ANKS1B: variants seen among roughly 807,000 people sequenced by gnomAD.
The protein encoded by ANKS1B is ankyrin repeat and sterile alpha motif domain-containing protein 1B.
ANKS1B carries 36 observed loss-of-function variants against 148.3 expected under a neutral mutation model. The observed-to-expected ratio is 0.24, with a 90% CI of 0.19 to 0.32. The LOEUF is 0.32. Among genes scored for constraint, ANKS1B ranks in the 10% least tolerant of loss-of-function variants. The probability of loss-of-function intolerance (pLI) is 1.00; values close to 1 mark genes in which losing one functional copy is unlikely to be tolerated. For synonymous variants in ANKS1B, 542 were observed against 560.8 expected (o/e 0.97, Z 0.47); for missense variants, 1,157 against 1,542.6 (o/e 0.75, Z 4.19).
At chr12:99,447,301 A>G in intron 10 of ANKS1B, among the ~76,000 whole-genome samples, 1 of 152,058 alleles carries the variant, frequency 6.6e-6, no homozygotes, top group Middle Eastern at 3.2e-3. Flanking sequence ...CTCACACTAT[A>G]TACAAAAACT....
At chr12:99,324,015 A>G (rs1342785166) in intron 12 of ANKS1B, among the ~76,000 whole-genome samples, 1 of 152,172 alleles carries the variant, frequency 6.6e-6, no homozygotes, top group Non-Finnish European at 1.5e-5. Context: ...ACATAATTGT[A>G]TTAGTATTTG....
At chr12:99,677,662 T>A (rs2098586207) in intron 8 of ANKS1B, among the ~76,000 whole-genome samples, 1 of 152,198 alleles carries the variant, frequency 6.6e-6, no homozygotes. Context: ...ATTCTCCATT[T>A]TTTAAGAAGG....
chr12:98,973,044 A>C (rs1282819114), intron 17 of ANKS1B, among the ~76,000 whole-genome samples: 1 of 152,202 alleles, frequency 6.6e-6, no homozygotes, highest in Non-Finnish European at 1.5e-5. Context: ...GGTAACATGG[A>C]CATCTGTATA....
chr12:99,029,701 G>T (rs1167877971), intron 17 of ANKS1B, among the ~76,000 whole-genome samples: 3 of 152,236 alleles, frequency 2.0e-5, no homozygotes, highest in African/African-American at 7.2e-5. Context: ...TGTACTTAAT[G>T]TTTAACAGAA....
chr12:99,466,145 C>T (rs1187468950), intron 10 of ANKS1B, among the ~76,000 whole-genome samples: 5 of 152,260 alleles, frequency 3.3e-5, no homozygotes, highest in Admixed American at 2.6e-4. Context: ...CACTCAAAAC[C>T]ACTCAACTAC....
intron 20 of ANKS1B, among the ~76,000 whole-genome samples, chr12:98,806,121 C>G (rs2099049231): frequency 6.6e-6 from 1 of 152,248 alleles, no homozygotes; most frequent in African/African-American, 2.4e-5. Flanking sequence ...ATCCACCCGC[C>G]TTGGCCTCCC....
intron 17 of ANKS1B, among the ~76,000 whole-genome samples, chr12:98,884,792 C>A (rs560844761): frequency 3.1e-5 from 4 of 127,514 alleles, no homozygotes; most frequent in African/African-American, 9.5e-5. Context: ...GGCGACAGAG[C>A]GAGACTCCGT....
At chr12:99,573,724 G>C (rs982752891) in intron 9 of ANKS1B, among the ~76,000 whole-genome samples, 10 of 151,338 alleles carry the variant, frequency 6.6e-5, no homozygotes, top group African/African-American at 2.4e-4. Context: ...AAATAAAATA[G>C]AAAAAAAATC....
At chr12:99,417,542 G>A (rs921142620) in intron 11 of ANKS1B, among the ~76,000 whole-genome samples, 11 of 151,616 alleles carry the variant, frequency 7.3e-5, no homozygotes, top group South Asian at 4.2e-4. Flanking sequence ...GTTACTTTAC[G>A]TATCTATGCA....
intron 25 of ANKS1B, 58 bp downstream of exon 25, chr12:98,772,984 T>C: frequency 6.3e-7 from 1 of 1,593,176 alleles, no homozygotes; most frequent in East Asian, 2.3e-5. Flanking sequence ...GGGCTTTCAA[T>C]ACAGTCCAGG....
At chr12:99,401,085 GTA>G (rs2094392027) in intron 11 of ANKS1B, among the ~76,000 whole-genome samples, 1 of 145,796 alleles carries the variant, frequency 6.9e-6, no homozygotes, top group South Asian at 2.1e-4. Context: ...ACATTGAGAG[GTA>G]TAAATATTGT....
chr12:99,364,373 T>C lies in ANKS1B; in HGVS notation c.1756+35258A>G, dbSNP rs954193639. On this transcript the variant is annotated intron_variant, in intron 12 of 26. Coordinates refer to ENST00000683438, the MANE Select transcript of ANKS1B (RefSeq NM_001352186.2). The stretch of plus-strand genomic sequence containing the variant: ...TATTTCTGTTCAGATCCAGAAACCA[T>C]ACCTTCATGTTCCCTATTGTCATAT... 1.4e-4 allele frequency among the ~76,000 whole-genome samples: 22 copies of C among 152,304 alleles called. No individual in the cohort carries two copies. In the East Asian group the frequency reaches 3.7e-3, roughly 25 times the overall value.
At chr12:99,315,100 G>A (rs2083803967) in intron 12 of ANKS1B, among the ~76,000 whole-genome samples, 2 of 151,832 alleles carry the variant, frequency 1.3e-5, no homozygotes, top group African/African-American at 4.8e-5. Context: ...AAAATTAGCT[G>A]GGCGTGGTGG....
At chr12:99,649,562 C>G (rs906385244) in intron 9 of ANKS1B, 2 of 590,004 alleles carry the variant, frequency 3.4e-6, no homozygotes, top group Non-Finnish European at 6.0e-6. Flanking sequence ...TCTGCAGACT[C>G]AGGAGAGAAA....
intron 10 of ANKS1B, among the ~76,000 whole-genome samples, chr12:99,470,583 A>T (rs1290368164): frequency 1.3e-5 from 2 of 152,172 alleles, no homozygotes; most frequent in Non-Finnish European, 2.9e-5. Context: ...ATTTTTATAC[A>T]TGTGGTTATA....
chr12:99,722,701 T>A (rs2058206459), intron 8 of ANKS1B, among the ~76,000 whole-genome samples: 1 of 152,176 alleles, frequency 6.6e-6, no homozygotes, highest in South Asian at 2.1e-4. Context: ...GACTTTCAAG[T>A]CTTATGTAAG....
At chr12:99,890,583 GTGTGT>G (rs1380412183) in intron 1 of ANKS1B, among the ~76,000 whole-genome samples, 1 of 72,374 alleles carries the variant, frequency 1.4e-5, no homozygotes, top group Non-Finnish European at 3.3e-5. Flanking sequence ...GTGTGTGTGT[GTGTGT>G]GTGTGTGTGT....
At chr12:99,494,108 T>G (rs1307528606) in intron 10 of ANKS1B, among the ~76,000 whole-genome samples, 2 of 152,032 alleles carry the variant, frequency 1.3e-5, no homozygotes, top group East Asian at 3.9e-4. Context: ...GAAGAAAGGG[T>G]CTCCAGATGG....
intron 12 of ANKS1B, among the ~76,000 whole-genome samples, chr12:99,368,532 T>A (rs1157143309): frequency 6.6e-6 from 1 of 152,034 alleles, no homozygotes; most frequent in Non-Finnish European, 1.5e-5. Flanking sequence ...CAATATAAGA[T>A]CAAAGTTAGA....
Sources: gnomAD v4.1 joint callset for allele counts (sites outside exome capture counted in the v4.1 genomes callset) on GRCh38, gnomAD v4.1.1 for gene constraint, MANE v1.5 for transcripts, NCBI Gene and HGNC (gene_info 2026-07-23, HGNC 2026-07-21) for gene names.